SLC2A5: variants seen among roughly 807,000 people sequenced by gnomAD.
The protein encoded by SLC2A5 is solute carrier family 2 member 5, also known as solute carrier family 2, facilitated glucose transporter member 5.
In SLC2A5, 56 loss-of-function variants were observed where a neutral mutation model predicts 50.3. The observed-to-expected ratio is 1.11, with a 90% CI of 0.90 to 1.39. The LOEUF is 1.39. Among genes scored for constraint, SLC2A5 ranks in the 40% most tolerant of loss-of-function variants. The pLI, the probability that SLC2A5 is intolerant of heterozygous loss-of-function variation, is 0.00. For missense variants in SLC2A5, 566 were observed against 650.1 expected (o/e 0.87, Z 1.41); for synonymous variants, 269 against 281.9 (o/e 0.95, Z 0.46).
chr1:9,041,756 G>A (rs766634889), intron 5 of SLC2A5, 29 bp downstream of exon 5: 3 of 1,614,028 alleles, frequency 1.9e-6, no homozygotes, highest in Non-Finnish European at 2.5e-6. Flanking sequence ...TGAAGGGGTG[G>A]GGGTGCTCCC....
intron 3 of SLC2A5, among the ~76,000 whole-genome samples, chr1:9,055,915 C>T (rs1391801130): frequency 6.6e-6 from 1 of 152,118 alleles, no homozygotes; most frequent in Non-Finnish European, 1.5e-5. Context: ...GACTCTACCT[C>T]AAAAAATAAA....
At position 9,037,514 on chromosome 1, in the gene SLC2A5, GC is replaced by G. The variant is rs1641161603; in HGVS notation, c.*71del. On this transcript the variant is annotated 3_prime_UTR_variant, in exon 12 of 12. Coordinates refer to ENST00000377424, the MANE Select transcript of SLC2A5 (RefSeq NM_003039.3). ...TTTTATTTCTGGATATTCACAGACA[GC>G]TAGAAGTCAGAAAAATAAGCCAAAG... is the stretch of plus-strand genomic sequence containing the variant. 4.0e-6 allele frequency: 5 copies of G among 1,255,374 alleles called. No individual in the cohort carries two copies. The African/African-American group carries it at 5.9e-5, about 15-fold the overall frequency. 77.8% of individuals were successfully genotyped at this position (1,255,374 alleles called of 1,614,324 possible). A position where few individuals can be genotyped will look rare whatever the true frequency, so the allele number is the denominator to read the frequency against.
At chr1:9,070,869 G>T (rs374028328), upstream of SLC2A5, among the ~76,000 whole-genome samples, 2 of 152,096 alleles carry the variant, frequency 1.3e-5, no homozygotes, top group African/African-American at 4.8e-5. Flanking sequence ...GGTCGGGGGG[G>T]TCCCTATTCA....
chr1:9,046,253 C>T (rs1044466581), intron 4 of SLC2A5, among the ~76,000 whole-genome samples: 11 of 152,080 alleles, frequency 7.2e-5, no homozygotes, highest in Non-Finnish European at 1.2e-4. Flanking sequence ...CCCCACCTGG[C>T]AGTGAGAAAT....
intron 3 of SLC2A5, among the ~76,000 whole-genome samples, chr1:9,052,581 T>C (rs1027219455): frequency 1.3e-5 from 2 of 152,158 alleles, no homozygotes; most frequent in African/African-American, 4.8e-5. Flanking sequence ...TCAATGCAGG[T>C]CTCATCATTT....
intron 1 of SLC2A5, among the ~76,000 whole-genome samples, chr1:9,060,487 A>AC (rs549915573): frequency 1.2e-5 from 1 of 84,564 alleles, no homozygotes; most frequent in Non-Finnish European, 2.5e-5. Flanking sequence ...CCCATACCCC[A>AC]CCCCCCCACA....
At chr1:9,057,292 TAAA>T (rs760221358) in intron 3 of SLC2A5, among the ~76,000 whole-genome samples, 153 bp downstream of exon 3, 2 of 103,428 alleles carry the variant, frequency 1.9e-5, no homozygotes, top group Admixed American at 9.0e-5. Context: ...TCTCAAAAAT[TAAA>T]AAAAAAAAAA....
intron 1 of SLC2A5, 90 bp downstream of exon 1, chr1:9,069,414 C>G (rs1007528339): frequency 3.6e-5 from 49 of 1,367,130 alleles, no homozygotes; most frequent in Non-Finnish European, 5.1e-5. Context: ...TCTGCAACAC[C>G]AGGAGCCCCC....
intron 1 of SLC2A5, among the ~76,000 whole-genome samples, chr1:9,060,836 C>T (rs148286446): frequency 6.6e-6 from 1 of 152,090 alleles, no homozygotes; most frequent in East Asian, 1.9e-4. Context: ...TATTGGGCGC[C>T]CAATGTGAAC....
chr1:9,076,794 T>A (rs560759067), intron 2 of SLC2A5, among the ~76,000 whole-genome samples: 4 of 151,648 alleles, frequency 2.6e-5, no homozygotes, highest in African/African-American at 9.7e-5. Context: ...GTGTTTTTTT[T>A]GTTTTTTTTT....
chr1:9,075,849 C>T (rs184436133), intron 2 of SLC2A5, among the ~76,000 whole-genome samples: 5 of 152,188 alleles, frequency 3.3e-5, no homozygotes, highest in Admixed American at 6.5e-5. Context: ...TTAGTAGAAA[C>T]GGGGTTTCAC....
rs192444077 is a variant in SLC2A5, at chr1:9,059,433, A to G, written c.34-1183T>C. On this transcript the variant is annotated intron_variant, in intron 1 of 11. Transcript: ENST00000377424. Reference sequence around the variant, plus strand: ...ACTGGGATTACAGGCGTGAGCCACCACGCCTGGCCAGAGAGCCCCCTTTCA... The same window carrying G: ...ACTGGGATTACAGGCGTGAGCCACCGCGCCTGGCCAGAGAGCCCCCTTTCA... Among the ~76,000 whole-genome samples, 344 of 150,736 alleles carry G rather than the reference A, an allele frequency of 2.3e-3. 5 individuals are homozygous for G. The East Asian group carries it at 0.027, about 12-fold the overall frequency.
chr1:9,091,535 C>T (rs1360814386), upstream of SLC2A5, among the ~76,000 whole-genome samples: 2 of 152,128 alleles, frequency 1.3e-5, no homozygotes, highest in Admixed American at 1.3e-4. Flanking sequence ...AGGTGCTCAT[C>T]TCCATCTCAT....
At chr1:9,042,032 T>C (rs1044636249) in intron 4 of SLC2A5, 95 bp from the exon 5 acceptor site, 1 of 1,443,244 alleles carries the variant, frequency 6.9e-7, no homozygotes, top group African/African-American at 1.4e-5. Flanking sequence ...TAACATTATT[T>C]GGGCCAGAAC....
At chr1:9,089,225 C>T (rs984084928), upstream of SLC2A5, among the ~76,000 whole-genome samples, 4 of 152,168 alleles carry the variant, frequency 2.6e-5, no homozygotes, top group Non-Finnish European at 4.4e-5. Context: ...TACCTGTCTC[C>T]TTGTGGGCAT....
Position 9,058,262 on chromosome 1 carries a change from A to T in SLC2A5, c.34-12T>A. 6.2e-7 allele frequency: 1 copy of T among 1,606,874 alleles called. No individual in the cohort carries two copies. The highest frequency in any genetic ancestry group is 8.5e-7 in the Non-Finnish European group (1 of 1,173,470). ...ACAAGCGTCAGCCTCTGCAGAGATC[A>T]CAGCTTAGGTCAGGAAGCAGCCCCA... On this transcript the variant is annotated splice_polypyrimidine_tract_variant and intron_variant, in intron 1 of 11. Transcript: ENST00000377424.
At chr1:9,073,862 C>T (rs934479826), upstream of SLC2A5, among the ~76,000 whole-genome samples, 2 of 152,058 alleles carry the variant, frequency 1.3e-5, no homozygotes, top group African/African-American at 2.4e-5. Context: ...CCAAGGCAGG[C>T]GGATTACAGG....
intron 2 of SLC2A5, among the ~76,000 whole-genome samples, chr1:9,083,919 C>T (rs966577890): frequency 1.3e-4 from 20 of 152,082 alleles, no homozygotes; most frequent in African/African-American, 4.1e-4. Flanking sequence ...CCGAGGCGGG[C>T]GGATCACGAG....
At chr1:9,054,061 G>A (rs965239322) in intron 3 of SLC2A5, among the ~76,000 whole-genome samples, 1 of 151,996 alleles carries the variant, frequency 6.6e-6, no homozygotes, top group Non-Finnish European at 1.5e-5. Context: ...GAATAGGAAG[G>A]TAGACCTGCA....
Sources: gnomAD v4.1 joint callset for allele counts (sites outside exome capture counted in the v4.1 genomes callset) on GRCh38, gnomAD v4.1.1 for gene constraint, MANE v1.5 for transcripts, NCBI Gene and HGNC (gene_info 2026-07-23, HGNC 2026-07-21) for gene names.